GLDC: variants seen among roughly 807,000 people sequenced by gnomAD.
The protein encoded by GLDC is glycine decarboxylase, also known as glycine dehydrogenase (decarboxylating), mitochondrial.
GLDC carries 104 observed loss-of-function variants against 121.3 expected under a neutral mutation model. The ratio of observed to expected loss-of-function variants is 0.86; its 90% confidence interval spans 0.73 to 1.01. The LOEUF (loss-of-function observed/expected upper bound fraction) is 1.01. GLDC is among the 50% of genes least tolerant of loss of function. GLDC has a pLI of 0.00. For synonymous variants in GLDC, 546 were observed against 480.6 expected (o/e 1.14, Z -1.78); for missense variants, 1,429 against 1,306.6 (o/e 1.09, Z -1.44).
chr9:6,555,887 C>T (rs1817617647), intron 18 of GLDC, among the ~76,000 whole-genome samples: 2 of 152,202 alleles, frequency 1.3e-5, no homozygotes, highest in African/African-American at 2.4e-5. Context: ...CTCCCAACAG[C>T]ATTTCTTCAG....
At chr9:6,540,775 C>T (rs1313705832) in intron 21 of GLDC, 5 of 153,236 alleles carry the variant, frequency 3.3e-5, no homozygotes, top group Admixed American at 3.2e-4. Context: ...AAAGTCTGTG[C>T]GACCCAGTTC....
At chr9:6,593,649 C>A (rs1047815068) in intron 9 of GLDC, among the ~76,000 whole-genome samples, 20 of 150,938 alleles carry the variant, frequency 1.3e-4, no homozygotes, top group African/African-American at 4.6e-4. Flanking sequence ...TATTTAATGG[C>A]TGTACAATAG....
chr9:6,551,064 C>G, intron 20 of GLDC, 150 bp from the exon 21 acceptor site: 1 of 734,136 alleles, frequency 1.4e-6, no homozygotes, highest in Non-Finnish European at 2.5e-6. Context: ...AAAATTCCAA[C>G]AAGGATATCT....
At chr9:6,592,374 G>A in intron 10 of GLDC, 151 bp from the exon 11 acceptor site, 1 of 693,366 alleles carries the variant, frequency 1.4e-6, no homozygotes, top group Non-Finnish European at 2.6e-6. Flanking sequence ...AAGGCTTAGA[G>A]GAAGGTGGCT....
chr9:6,560,269 G>A (rs1054426952), intron 16 of GLDC, among the ~76,000 whole-genome samples: 6 of 152,224 alleles, frequency 3.9e-5, no homozygotes, highest in African/African-American at 1.4e-4. Context: ...AATAGGCTAT[G>A]AAGTTAAATC....
chr9:6,533,885 T>C (rs1817054623), intron 24 of GLDC, among the ~76,000 whole-genome samples: 1 of 148,838 alleles, frequency 6.7e-6, no homozygotes, highest in African/African-American at 2.5e-5. Flanking sequence ...TAATTTCTCA[T>C]ACTGTGTATT....
intron 2 of GLDC, among the ~76,000 whole-genome samples, chr9:6,642,133 C>T (rs2130020716): frequency 6.6e-6 from 1 of 152,264 alleles, no homozygotes; most frequent in Admixed American, 6.5e-5. Context: ...AGAACTGGTC[C>T]ATTTCAGGGA....
intron 2 of GLDC, among the ~76,000 whole-genome samples, chr9:6,639,918 C>T (rs1244530325): frequency 1.3e-5 from 2 of 152,058 alleles, no homozygotes; most frequent in Non-Finnish European, 2.9e-5. Flanking sequence ...CAATTGGCCC[C>T]AAATGGCCAG....
At chr9:6,555,076 A>G in intron 18 of GLDC, 1 of 473,084 alleles carries the variant, frequency 2.1e-6, no homozygotes, top group East Asian at 4.1e-5. Flanking sequence ...TCCACACACC[A>G]CAAAGGGAGA....
intron 3 of GLDC, among the ~76,000 whole-genome samples, chr9:6,615,888 C>T (rs772191098): frequency 1.6e-4 from 25 of 152,050 alleles, no homozygotes; most frequent in Non-Finnish European, 2.9e-4. Context: ...TGCTGGGATA[C>T]AGGCGTGAGC....
At chr9:6,553,981 G>A (rs765567295) in intron 19 of GLDC, among the ~76,000 whole-genome samples, 9 of 151,454 alleles carry the variant, frequency 5.9e-5, no homozygotes, top group East Asian at 1.9e-4. Flanking sequence ...CACTTTAACC[G>A]TAGTCCAAGA....
Position 6,602,170 on chromosome 9 carries a change from A to C in GLDC, c.1094T>G (p.Leu365Arg). 1 of 1,613,150 alleles carries C rather than the reference A, an allele frequency of 6.2e-7. No homozygotes were observed. The highest frequency in any genetic ancestry group is 8.5e-7 in the Non-Finnish European group (1 of 1,179,188). Residue 365 changes from leucine (L) to arginine (R), a missense_variant, in exon 8 of 25, where the codon CTT (leucine) becomes CGT (arginine). Coordinates refer to ENST00000321612, the MANE Select transcript of GLDC (RefSeq NM_000170.3). ...CCGAATGTGTTGCTCCCTGGTTTGA[A>C]GAGCAAGACGATACACTTCTTTCCC... is the stretch of plus-strand genomic sequence containing the variant. ...ATGKEVYRLA[L>R]QTREQHIRRD...
rs765794334 is a variant in GLDC at position 6,645,303 on chromosome 9, C to T, written c.197G>A (p.Arg66Lys). 1.6e-5 allele frequency: 26 copies of T among 1,599,136 alleles called. No homozygotes were observed. Among genetic ancestry groups the T allele is most frequent in the Admixed American group, 5.1e-5 (3 of 58,672 alleles). Residue 66 changes from arginine (R) to lysine (K), a missense_variant, in exon 1 of 25, where the codon AGG becomes AAG. Coordinates refer to ENST00000321612, the MANE Select transcript of GLDC (RefSeq NM_000170.3). ...GTCTTTGTCCCCAGGGCCGATGTGC[C>T]TCCGAGCGAAGTCGTCGTGTCTGGG... ...LLPRHDDFAR[R>K]HIGPGDKDQR...
intron 5 of GLDC, among the ~76,000 whole-genome samples, chr9:6,605,641 C>T (rs533622714): frequency 1.3e-5 from 2 of 152,278 alleles, no homozygotes; most frequent in Non-Finnish European, 2.9e-5. Flanking sequence ...AATGGAAAAC[C>T]ATAAGTAAGA....
chr9:6,629,957 A>ATTTTTTTTTT (rs60203144), intron 2 of GLDC, among the ~76,000 whole-genome samples: 2 of 83,098 alleles, frequency 2.4e-5, no homozygotes, highest in Non-Finnish European at 4.3e-5. Context: ...ATATATATAT[A>ATTTTTTTTTT]TTTTTTTTTT....
Position 6,615,149 on chromosome 9 carries a change from C to G in GLDC, c.471-4793G>C, listed in dbSNP as rs117370480. Among the ~76,000 whole-genome samples, 1,479 of 152,240 alleles carry G rather than the reference C, an allele frequency of 9.7e-3. 16 individuals are homozygous for G. The highest frequency in any genetic ancestry group is 0.024 in the South Asian group (114 of 4,810). On this transcript the variant is annotated intron_variant, in intron 3 of 24. Transcript: ENST00000321612. ...TATATGAGAGATTTTTCTTAATGCT[C>G]AAATCAGACTAATGTACTGTCCAAA...
At chr9:6,586,991 ACCTT>A (rs1818284128) in intron 15 of GLDC, 146 bp downstream of exon 15, 1 of 713,684 alleles carries the variant, frequency 1.4e-6, no homozygotes, top group African/African-American at 1.7e-5. Flanking sequence ...AACACGATGC[ACCTT>A]CTAGCCATGC....
At chr9:6,621,710 G>T (rs996779908) in intron 2 of GLDC, among the ~76,000 whole-genome samples, 1 of 152,118 alleles carries the variant, frequency 6.6e-6, no homozygotes, top group Admixed American at 6.5e-5. Context: ...TAGAGATGGG[G>T]TTTCACCATA....
intron 21 of GLDC, 23 bp from the exon 22 acceptor site, chr9:6,540,169 C>A (rs752574737): frequency 6.4e-6 from 9 of 1,399,494 alleles, no homozygotes; most frequent in African/African-American, 2.8e-5. Flanking sequence ...GTTGTTTCAG[C>A]CCAAGATTAG....
Sources: gnomAD v4.1 joint callset for allele counts (sites outside exome capture counted in the v4.1 genomes callset) on GRCh38, gnomAD v4.1.1 for gene constraint, MANE v1.5 for transcripts, NCBI Gene and HGNC (gene_info 2026-07-23, HGNC 2026-07-21) for gene names.